Variants in PSG7 observed in about 807,000 individuals in gnomAD.
PSG7 encodes the protein pregnancy-specific beta-1-glycoprotein 7.
PSG7 carries 57 observed loss-of-function variants against 45.6 expected under a neutral mutation model. The observed-to-expected ratio is 1.25, with a 90% CI of 1.01 to 1.56. The LOEUF (loss-of-function observed/expected upper bound fraction) is 1.56. PSG7 is among the 40% of genes most tolerant of loss of function. The pLI, the probability that PSG7 is intolerant of heterozygous loss-of-function variation, is 0.00. For missense variants in PSG7, 796 were observed against 508.4 expected, an observed-to-expected ratio of 1.57 and a Z score of -5.44; for synonymous variants, 298 against 194.4, an observed-to-expected ratio of 1.53 and a Z score of -4.43.
chr19:42,933,297 ATATATATATAT>A (rs1431292666), intron 2 of PSG7, among the ~76,000 whole-genome samples: 7 of 13,244 alleles, frequency 5.3e-4, no homozygotes, highest in East Asian at 4.3e-3. Flanking sequence ...ATATATATAT[ATATATATATAT>A]TTTTTTTTTT....
chr19:42,927,703 C>T (rs1185092154), intron 3 of PSG7: 3 of 151,468 alleles, frequency 2.0e-5, no homozygotes, highest in Non-Finnish European at 4.4e-5. Flanking sequence ...ACTCTAGGGA[C>T]CTCATGTAAG....
At chr19:42,924,993 A>C (rs923764451) in intron 5 of PSG7, 169 bp from the exon 6 acceptor site, 18 of 635,794 alleles carry the variant, frequency 2.8e-5, no homozygotes, top group Non-Finnish European at 5.1e-5. Flanking sequence ...GAGTTTCTTC[A>C]AACTTGGTCT....
chr19:42,929,401 G>C, intron 3 of PSG7, 41 bp downstream of exon 3: 2 of 1,611,840 alleles, frequency 1.2e-6, no homozygotes, highest in Admixed American at 1.7e-5. Flanking sequence ...ATGTGTATTT[G>C]GGATGGCAGC....
chr19:42,933,632 G>A (rs772478896), intron 2 of PSG7, among the ~76,000 whole-genome samples: 19 of 150,582 alleles, frequency 1.3e-4, no homozygotes, highest in Non-Finnish European at 2.2e-4. Flanking sequence ...GAGTGTCTGC[G>A]GAAGGCCTAG....
At chr19:42,932,027 G>C (rs1187033920) in intron 2 of PSG7, among the ~76,000 whole-genome samples, 1 of 151,120 alleles carries the variant, frequency 6.6e-6, no homozygotes, top group Non-Finnish European at 1.5e-5. Context: ...TTCTCAAACA[G>C]CATTTTTTTT....
At position 42,931,334 on chromosome 19, in the gene PSG7, T is replaced by C. The variant is rs146094893; in HGVS notation, c.431-1614A>G. On this transcript the variant is annotated intron_variant, in intron 2 of 5. Transcript: ENST00000406070. ...GGATCACATTATGCTCAAAGAAAGA[T>C]GCCAAAGGTGATTTGAATTAGCAGC... Among the ~76,000 whole-genome samples the C allele has an allele frequency of 4.1e-3, 602 of 146,952 alleles. 12 individuals are homozygous for C. The highest frequency in any genetic ancestry group is 0.015 in the African/African-American group (577 of 39,330).
chr19:42,930,871 A>G (rs1973005751), intron 2 of PSG7, among the ~76,000 whole-genome samples: 1 of 151,664 alleles, frequency 6.6e-6, no homozygotes, highest in African/African-American at 2.4e-5. Flanking sequence ...TCATACAGAT[A>G]AAGTGCTCCT....
rs374036253 is a variant in PSG7, at chr19:42,937,093, G to A, written c.-17C>T. ...GGGCCCCATGGTCTCTGCTCCCTGC[G>A]TGTTCTCCTCTGTGGAGATGAGCCT... On this transcript the variant is annotated 5_prime_UTR_variant, in exon 1 of 6. The change creates a new upstream start codon in the 5' untranslated region. Transcript: ENST00000406070. The A allele has an allele frequency of 4.5e-4, 724 of 1,609,400 alleles. 16 individuals carry two copies. Among genetic ancestry groups the A allele is most frequent in the Non-Finnish European group, 5.3e-4 (620 of 1,177,244 alleles).
rs188664466 is a variant in PSG7 at position 42,925,859 on chromosome 19, G to T, written c.1157C>A (p.Thr386Lys). The change falls in exon 5 of 6, where the codon ACA (threonine) becomes AAA (lysine). Residue 386 changes from threonine to lysine, a missense_variant. Thr to Lys is a moderately conservative substitution (Grantham distance 78, BLOSUM62 -1). Coordinates refer to ENST00000406070, the MANE Select transcript of PSG7 (RefSeq NM_002783.3). Reference sequence around the variant, plus strand: ...GCAAGCATAGAGCCCGCTATGCTTTGTAGTAATCTGGGGGATAGAAAGCTT... The same window carrying T: ...GCAAGCATAGAGCCCGCTATGCTTTTTAGTAATCTGGGGGATAGAAAGCTT... ...GQKLSIPQIT[T>K]KHSGLYACSV... 2 of 1,611,956 alleles carry T rather than the reference G, an allele frequency of 1.2e-6. No individual in the cohort carries two copies. Among genetic ancestry groups the T allele is most frequent in the Non-Finnish European group, 1.7e-6 (2 of 1,179,056 alleles).
intron 1 of PSG7, 50 bp downstream of exon 1, chr19:42,936,962 CA>C: frequency 6.2e-7 from 1 of 1,602,684 alleles, no homozygotes; most frequent in Non-Finnish European, 8.5e-7. Context: ...AGACCCCATC[CA>C]GTCACTCTGC....
intron 2 of PSG7, among the ~76,000 whole-genome samples, chr19:42,932,290 G>T (rs1215709119): frequency 1.3e-5 from 2 of 151,464 alleles, no homozygotes; most frequent in African/African-American, 4.9e-5. Flanking sequence ...AGTCCTGGGA[G>T]TATAGGTGTG....
chr19:42,926,472 G>A lies in PSG7; in HGVS notation c.954C>T (p.Gly318=). ...YQCEIRDRYG[G]IRSDPVTLNV... ...TCAGGGTGACTGGGTCACTGCGGAT[G>A]CCACCATATCGGTCCCGTATTTCAC... The change falls in exon 4 of 6, where the codon GGC becomes GGT. Residue 318 remains glycine, a synonymous_variant. Transcript: ENST00000406070. 1 of 1,611,626 alleles carries A rather than the reference G, an allele frequency of 6.2e-7. No individual in the cohort carries two copies. The highest frequency in any genetic ancestry group is 1.7e-5 in the Admixed American group (1 of 59,840).
At chr19:42,932,070 C>T (rs1451889617) in intron 2 of PSG7, among the ~76,000 whole-genome samples, 3 of 151,364 alleles carry the variant, frequency 2.0e-5, no homozygotes, top group Non-Finnish European at 4.4e-5. Context: ...GTCACCCAGG[C>T]TGGAGTGCAG....
At chr19:42,933,265 CAATATATATATATATATATATA>C (rs1973060030) in intron 2 of PSG7, among the ~76,000 whole-genome samples, 1 of 30,370 alleles carries the variant, frequency 3.3e-5, no homozygotes, top group African/African-American at 9.1e-5. Context: ...ATCACCATTT[CAATATATATATATATATATATA>C]TATATATATA....
At chr19:42,930,574 A>G (rs1406445515) in intron 2 of PSG7, among the ~76,000 whole-genome samples, 2 of 151,720 alleles carry the variant, frequency 1.3e-5, no homozygotes, top group Non-Finnish European at 2.9e-5. Context: ...TGAACTGATG[A>G]TGGAAGTCTG....
In PSG7 at chr19:42,932,328, G is replaced by C. The variant is rs187890540; in HGVS notation, c.431-2608C>G. ...CCACTGTGCCCAGCCATCTCTGAGG[G>C]ATTTTAACGAGTTGTTGACTTTTGA... On this transcript the variant is annotated intron_variant, in intron 2 of 5. Coordinates refer to ENST00000406070, the MANE Select transcript of PSG7 (RefSeq NM_002783.3). Among the ~76,000 whole-genome samples the C allele has an allele frequency of 1.3e-3, 199 of 151,616 alleles. 2 individuals are homozygous for C. Among genetic ancestry groups the C allele is most frequent in the Non-Finnish European group, 2.9e-5 (2 of 67,876 alleles).
At position 42,926,506 on chromosome 19, in the gene PSG7, G is replaced by T; in HGVS notation, c.920C>A (p.Pro307His). The T allele has an allele frequency of 6.2e-7, 1 of 1,611,256 alleles. No homozygotes were observed. Among genetic ancestry groups the T allele is most frequent in the Non-Finnish European group, 8.5e-7 (1 of 1,178,982 alleles). The change falls in exon 4 of 6, where the codon CCC (proline) becomes CAC (histidine). Residue 307 changes from proline (P) to histidine (H), a missense_variant. By Grantham distance (77) the Pro-to-His change is moderately conservative (BLOSUM62 -2). Transcript: ENST00000406070. ...TCGGTCCCGTATTTCACATTGATAG[G>T]GTCCTGTTTCATTTCTCGTGACACT... ...LPSVTRNETG[P>H]YQCEIRDRYG...
intron 1 of PSG7, 33 bp from the exon 2 acceptor site, chr19:42,935,802 A>G: frequency 5.0e-6 from 8 of 1,587,080 alleles, no homozygotes; most frequent in East Asian, 2.2e-5. Context: ...GTCAATATTG[A>G]GACCTATGTG....
chr19:42,926,193 T>A, intron 4 of PSG7, 166 bp from the exon 5 acceptor site: 1 of 1,406,764 alleles, frequency 7.1e-7, no homozygotes, highest in Non-Finnish European at 9.6e-7. Flanking sequence ...CACCTGTTTC[T>A]CCCATCACAA....
Sources: allele counts gnomAD v4.1 joint callset (sites outside exome capture counted in the v4.1 genomes callset), GRCh38; gene constraint gnomAD v4.1.1; transcripts MANE v1.5; gene names NCBI Gene and HGNC (gene_info 2026-07-23, HGNC 2026-07-21).